Variants in PLXNA1 observed in about 807,000 individuals in gnomAD.
The protein encoded by PLXNA1 is plexin-A1.
In PLXNA1, 77 loss-of-function variants were observed where a neutral mutation model predicts 191.7. The ratio of observed to expected loss-of-function variants is 0.40; its 90% CI spans 0.33 to 0.49. PLXNA1 has a LOEUF of 0.49. Ranked by LOEUF, PLXNA1 falls within the 20% of genes least tolerant of loss-of-function variation. The pLI is 0.63. For synonymous variants in PLXNA1, 1,137 were observed against 1,156.4 expected, an observed-to-expected ratio of 0.98 and a Z score of 0.34; for missense variants, 2,110 against 2,660.2, an observed-to-expected ratio of 0.79 and a Z score of 4.55.
Position 127,032,014 on chromosome 3 carries a change from C to T in PLXNA1, c.5232-373C>T, listed in dbSNP as rs368896682. 9.4e-5 allele frequency: 22 copies of T among 233,584 alleles called. No homozygotes were observed. The South Asian group carries it at 1.1e-3, about 12-fold the overall frequency. 14.5% of individuals were successfully genotyped at this position (233,584 alleles called of 1,614,324 possible). On this transcript the variant is annotated intron_variant, in intron 29 of 31. Transcript: ENST00000393409. ...CTCTGCAGGAATGGGTCCCCTGGGC[C>T]GGAGCTGAGCTGCAGGTCTCAGTGC...
intron 23 of PLXNA1, among the ~76,000 whole-genome samples, chr3:127,023,821 T>C (rs2079164219): frequency 1.3e-5 from 2 of 151,924 alleles, no homozygotes; most frequent in African/African-American, 4.8e-5. Flanking sequence ...GAGGGTGGGA[T>C]TCGAGCAGAG....
At chr3:126,983,728 C>T (rs1416747810) in intron 1 of PLXNA1, among the ~76,000 whole-genome samples, 1 of 151,556 alleles carries the variant, frequency 6.6e-6, no homozygotes, top group East Asian at 2.0e-4. Context: ...GGGGAGGCCC[C>T]TGCGGTGTCC....
intron 29 of PLXNA1, among the ~76,000 whole-genome samples, chr3:127,031,159 C>G (rs2079208720): frequency 6.6e-6 from 1 of 152,206 alleles, no homozygotes; most frequent in Non-Finnish European, 1.5e-5. Context: ...CTCTGCCACA[C>G]AGGCAGGCCA....
intron 20 of PLXNA1, among the ~76,000 whole-genome samples, chr3:127,018,776 G>A (rs1464787257): frequency 6.6e-6 from 1 of 152,232 alleles, no homozygotes; most frequent in Non-Finnish European, 1.5e-5. Flanking sequence ...CAGACTGTTT[G>A]CATTTGTATC....
chr3:126,993,182 T>A (rs1315615788), intron 3 of PLXNA1, among the ~76,000 whole-genome samples: 1 of 152,164 alleles, frequency 6.6e-6, no homozygotes, highest in African/African-American at 2.4e-5. Flanking sequence ...CCCTGCCTCC[T>A]CACCCCAGTC....
chr3:127,015,833 T>C (rs891763), intron 15 of PLXNA1, among the ~76,000 whole-genome samples: 150,845 of 152,228 alleles, frequency 0.99, 74,751 homozygotes, highest in East Asian at 1. Flanking sequence ...GACCCAGGTG[T>C]GGGCTATGCC....
Position 127,015,238 on chromosome 3 carries a change from T to C in PLXNA1, c.2932T>C (p.Trp978Arg). The C allele has an allele frequency of 5.0e-6, 8 of 1,612,970 alleles. No homozygotes were observed. The highest frequency in any genetic ancestry group is 1.7e-4 in the Middle Eastern group (1 of 6,056). The change falls in exon 15 of 32, where the codon TGG (tryptophan) becomes CGG (arginine). Residue 978 changes from tryptophan (W) to arginine (R), a missense_variant. By Grantham distance (101) the Trp-to-Arg change is moderately radical (BLOSUM62 -3). Around this residue, in one of 4 missense-constraint regions of PLXNA1, gnomAD observed 644 missense variants for 714.3 expected, o/e 0.90. Coordinates refer to ENST00000393409, the MANE Select transcript of PLXNA1 (RefSeq NM_032242.4). Reference protein sequence around the residue: ...PSRGPLSGGTWIGIEGSHLNA... With the variant: ...PSRGPLSGGTRIGIEGSHLNA... Reference sequence around the variant, plus strand: ...CCGTGGGCCTCTGTCAGGGGGCACCTGGATTGGCATCGAGGGAAGCCACCT... The same window carrying C: ...CCGTGGGCCTCTGTCAGGGGGCACCCGGATTGGCATCGAGGGAAGCCACCT...
chr3:127,031,032 G>C (rs969919737), intron 29 of PLXNA1, among the ~76,000 whole-genome samples: 1 of 152,200 alleles, frequency 6.6e-6, no homozygotes, highest in Admixed American at 6.5e-5. Flanking sequence ...TCCCTCCAGA[G>C]TATCTGCCTC....
Position 127,032,378 on chromosome 3 carries a change from C to G in PLXNA1, c.5232-9C>G, listed in dbSNP as rs370468399. 1.2e-6 allele frequency: 2 copies of G among 1,613,066 alleles called. No individual in the cohort carries two copies. Among genetic ancestry groups the G allele is most frequent in the Admixed American group, 1.7e-5 (1 of 59,984 alleles). On this transcript the variant is annotated splice_polypyrimidine_tract_variant and intron_variant, in intron 29 of 31. Transcript: ENST00000393409. ...CCTATCTGAGCAGCGCCTGGACTCT[C>G]GCCTGCAGCCTGCCCCTGCGCTTCT... is the stretch of plus-strand genomic sequence containing the variant.
intron 2 of PLXNA1, 33 bp from the exon 3 acceptor site, chr3:126,991,350 CG>C: frequency 6.2e-7 from 1 of 1,606,858 alleles, no homozygotes. Flanking sequence ...AGAAGGTGCC[CG>C]GGGAGTGGCT....
chr3:127,025,525 C>T (rs1426768527), intron 23 of PLXNA1, among the ~76,000 whole-genome samples: 1 of 152,174 alleles, frequency 6.6e-6, no homozygotes, highest in Non-Finnish European at 1.5e-5. Flanking sequence ...GCATTTACAG[C>T]GGTGTTGGCC....
chr3:127,029,778 TG>T (rs2079197475), intron 27 of PLXNA1, 95 bp from the exon 28 acceptor site: 6 of 1,381,606 alleles, frequency 4.3e-6, no homozygotes, highest in African/African-American at 1.4e-5. Context: ...CCCACATGGG[TG>T]GGGGTGCCAT....
intron 29 of PLXNA1, 80 bp downstream of exon 29, chr3:127,030,492 C>T (rs577595267): frequency 1.3e-6 from 2 of 1,531,162 alleles, no homozygotes; most frequent in Non-Finnish European, 1.8e-6. Context: ...CTGTTCTGAT[C>T]CGGAGCCCCC....
chr3:127,032,550 A>T lies in PLXNA1; in HGVS notation c.5395A>T (p.Lys1799Ter). The T allele has an allele frequency of 6.2e-7, 1 of 1,613,836 alleles. No individual in the cohort carries two copies. Among genetic ancestry groups the T allele is most frequent in the Non-Finnish European group, 8.5e-7 (1 of 1,179,952 alleles). ...GCTGGGCAAGGACTCACCCTCCAAC[A>T]AGCTGCTCTACGCCAAGGACATCCC... ...HKLGKDSPSN[K>*]LLYAKDIPNY... Residue 1799 changes from lysine (K) to a stop codon, truncating the protein, a stop_gained, in exon 30 of 32, where the codon AAG becomes TAG. Transcript: ENST00000393409. LOFTEE classifies it high-confidence loss of function.
intron 29 of PLXNA1, 22 bp downstream of exon 29, chr3:127,030,434 A>G (rs1361293482): frequency 4.3e-6 from 7 of 1,611,904 alleles, no homozygotes; most frequent in Non-Finnish European, 5.9e-6. Context: ...CAGGGGGAGG[A>G]GGGGCATCCC....
intron 15 of PLXNA1, among the ~76,000 whole-genome samples, chr3:127,015,996 G>A (rs2079121504): frequency 6.6e-6 from 1 of 152,180 alleles, no homozygotes; most frequent in Non-Finnish European, 1.5e-5. Context: ...AGGGTAGTAG[G>A]AGTGGGTGCT....
At position 127,030,236 on chromosome 3, in the gene PLXNA1, C is replaced by G; in HGVS notation, c.5062-7C>G. 1 of 1,612,374 alleles carries G rather than the reference C, an allele frequency of 6.2e-7. No homozygotes were observed. The highest frequency in any genetic ancestry group is 8.5e-7 in the Non-Finnish European group (1 of 1,179,062). On this transcript the variant is annotated splice_polypyrimidine_tract_variant and splice_region_variant and intron_variant, in intron 28 of 31. Transcript: ENST00000393409. ...TGGGGCTCAGTGTCCCTGCCTGCCC[C>G]CCGCAGGGCACACTGCAGAAGTTTG...
chr3:127,031,286 GC>G (rs1434441488), intron 29 of PLXNA1, among the ~76,000 whole-genome samples: 1 of 152,194 alleles, frequency 6.6e-6, no homozygotes, highest in African/African-American at 2.4e-5. Flanking sequence ...TGTGTGTGTG[GC>G]CCCCACCCCA....
rs551584557 is a variant in PLXNA1, at chr3:127,022,693, C to T, written c.4296-59C>T. ...GATCGGTGAGTGAGGCCTGCAGGGG[C>T]CCTGTGCCTGCTGGACAGCTGGAAT... is the stretch of plus-strand genomic sequence containing the variant. On this transcript the variant is annotated intron_variant, in intron 22 of 31. Transcript: ENST00000393409. 18 of 1,479,718 alleles carry T rather than the reference C, an allele frequency of 1.2e-5. No homozygotes were observed. In the African/African-American group the frequency reaches 1.9e-4, roughly 16 times the overall value. 91.7% of individuals were successfully genotyped at this position (1,479,718 alleles called of 1,614,324 possible).
Sources: gnomAD v4.1 joint callset for allele counts (sites outside exome capture counted in the v4.1 genomes callset) on GRCh38, gnomAD v4.1.1 for gene constraint, gnomAD v4.1.1 regional missense constraint, MANE v1.5 for transcripts, NCBI Gene and HGNC (gene_info 2026-07-23, HGNC 2026-07-21) for gene names.